The following PTPRD variants were observed in gnomAD, a reference collection of about 807,000 sequenced individuals.
PTPRD encodes receptor-type tyrosine-protein phosphatase delta.
Under a neutral mutation model 214.5 loss-of-function variants are expected in PTPRD, and 34 were observed. The ratio of observed to expected loss-of-function variants is 0.16; its 90% CI spans 0.12 to 0.21. The LOEUF is 0.21. Ranked by LOEUF, PTPRD falls within the 10% of genes least tolerant of loss-of-function variation. The probability of loss-of-function intolerance (pLI) is 1.00; values close to 1 mark genes in which losing one functional copy is unlikely to be tolerated. For synonymous variants in PTPRD, 1,128 were observed against 845.7 expected, an observed-to-expected ratio of 1.33 and a Z score of -5.79; for missense variants, 2,545 against 2,398.7, an observed-to-expected ratio of 1.06 and a Z score of -1.27.
In PTPRD at chr9:9,261,279, T is replaced by C. The variant is rs1337256374; in HGVS notation, c.-202-77916A>G. 2.0e-5 allele frequency among the ~76,000 whole-genome samples: 3 copies of C among 151,872 alleles called. No homozygotes were observed. The East Asian group carries it at 5.9e-4, about 30-fold the overall frequency. ...CCTGATGTTTATAGGCTTCATTTTT[T>C]AGAATGTTTATTTTATTTTATGGGA... is the stretch of plus-strand genomic sequence containing the variant. On this transcript the variant is annotated intron_variant, in intron 9 of 45. Coordinates refer to ENST00000381196, the MANE Select transcript of PTPRD (RefSeq NM_002839.4).
intron 28 of PTPRD, 54 bp downstream of exon 28, chr9:8,485,708 T>C: frequency 6.9e-7 from 1 of 1,450,974 alleles, no homozygotes; most frequent in Non-Finnish European, 9.4e-7. Context: ...AATACTGATT[T>C]CCAAAGACTG....
chr9:8,593,375 G>C (rs2094255859), intron 14 of PTPRD, among the ~76,000 whole-genome samples: 1 of 152,118 alleles, frequency 6.6e-6, no homozygotes, highest in Non-Finnish European at 1.5e-5. Flanking sequence ...TGGAACAAAA[G>C]GTACGTAGAC....
intron 11 of PTPRD, among the ~76,000 whole-genome samples, chr9:8,983,466 T>G (rs1421824562): frequency 6.6e-6 from 1 of 152,052 alleles, no homozygotes. Flanking sequence ...CTTAAGTGAC[T>G]TTTTTGTGTT....
At chr9:10,216,497 T>C (rs542394546) in intron 3 of PTPRD, among the ~76,000 whole-genome samples, 5 of 152,128 alleles carry the variant, frequency 3.3e-5, no homozygotes, top group Admixed American at 3.3e-4. Flanking sequence ...GCTCTAAATT[T>C]ATATTTTGTA....
intron 3 of PTPRD, among the ~76,000 whole-genome samples, chr9:10,150,657 A>AT (rs1191555296): frequency 6.6e-6 from 1 of 151,486 alleles, no homozygotes; most frequent in African/African-American, 2.4e-5. Context: ...TTAAAGTAAA[A>AT]TAAAAAAAAA....
chr9:9,093,995 T>C (rs921973954), intron 10 of PTPRD, among the ~76,000 whole-genome samples: 1 of 152,006 alleles, frequency 6.6e-6, no homozygotes, highest in Non-Finnish European at 1.5e-5. Context: ...TCAATACAGA[T>C]ATTAAAAATG....
chr9:10,444,086 C>T (rs1417129964), intron 2 of PTPRD, among the ~76,000 whole-genome samples: 6 of 151,658 alleles, frequency 4.0e-5, no homozygotes, highest in African/African-American at 1.4e-4. Context: ...GACTATTTAA[C>T]TCAACATGCT....
At chr9:9,946,400 A>C (rs1365872539) in intron 4 of PTPRD, among the ~76,000 whole-genome samples, 1 of 152,164 alleles carries the variant, frequency 6.6e-6, no homozygotes, top group East Asian at 1.9e-4. Context: ...AGTGGCATGT[A>C]AGAGGTTATA....
chr9:10,263,681 C>G (rs1371660782), intron 3 of PTPRD, among the ~76,000 whole-genome samples: 1 of 152,154 alleles, frequency 6.6e-6, no homozygotes, highest in African/African-American at 2.4e-5. Flanking sequence ...ATGCAATAGA[C>G]AAGCAAAATC....
At chr9:10,331,022 C>T (rs1021728446) in intron 3 of PTPRD, among the ~76,000 whole-genome samples, 3 of 151,826 alleles carry the variant, frequency 2.0e-5, no homozygotes, top group Non-Finnish European at 2.9e-5. Flanking sequence ...TCCTCTACTT[C>T]ACAATCATTC....
At chr9:8,884,985 G>T (rs529843027) in intron 11 of PTPRD, among the ~76,000 whole-genome samples, 2 of 152,132 alleles carry the variant, frequency 1.3e-5, no homozygotes, top group South Asian at 2.1e-4. Flanking sequence ...CAGTGAGGGG[G>T]AATACAACGT....
At chr9:8,870,355 C>A (rs555324294) in intron 11 of PTPRD, among the ~76,000 whole-genome samples, 20 of 152,092 alleles carry the variant, frequency 1.3e-4, no homozygotes, top group Middle Eastern at 3.4e-3. Flanking sequence ...TACTCCTAAT[C>A]CACACAGAGA....
chr9:9,998,117 A>AT (rs1383961196), intron 4 of PTPRD, among the ~76,000 whole-genome samples: 179 of 89,212 alleles, frequency 2.0e-3, no homozygotes, highest in African/African-American at 7.3e-3. Flanking sequence ...AAGTATAATA[A>AT]AAAAAAAAAA....
At chr9:9,073,221 T>A (rs981406347) in intron 10 of PTPRD, among the ~76,000 whole-genome samples, 1 of 152,222 alleles carries the variant, frequency 6.6e-6, no homozygotes, top group Non-Finnish European at 1.5e-5. Context: ...GTTCATTTTG[T>A]ACAAGCACTG....
At chr9:9,185,651 A>G (rs2099930911) in intron 9 of PTPRD, among the ~76,000 whole-genome samples, 1 of 152,102 alleles carries the variant, frequency 6.6e-6, no homozygotes, top group African/African-American at 2.4e-5. Context: ...TTTTGATCTG[A>G]AGTAGAAAAT....
chr9:10,229,888 A>G (rs1301654437), intron 3 of PTPRD, among the ~76,000 whole-genome samples: 1 of 152,038 alleles, frequency 6.6e-6, no homozygotes, highest in African/African-American at 2.4e-5. Context: ...AGAAAAAAAG[A>G]AATAAGACAA....
chr9:10,140,345 C>T (rs1175045063), intron 3 of PTPRD, among the ~76,000 whole-genome samples: 1 of 151,462 alleles, frequency 6.6e-6, no homozygotes. Context: ...AATTGATAGA[C>T]CGCTAGCAAG....
chr9:10,037,004 C>G (rs148535044), intron 3 of PTPRD, among the ~76,000 whole-genome samples: 209 of 152,138 alleles, frequency 1.4e-3, no homozygotes, highest in Admixed American at 2.3e-3. Flanking sequence ...CCACCCCAGT[C>G]TCCTTGAAGT....
chr9:8,917,925 C>T (rs754262893), intron 11 of PTPRD, among the ~76,000 whole-genome samples: 1 of 152,144 alleles, frequency 6.6e-6, no homozygotes, highest in South Asian at 2.1e-4. Flanking sequence ...TCTCCCACCA[C>T]ACCTGTGTAA....
Sources: allele counts gnomAD v4.1 joint callset (sites outside exome capture counted in the v4.1 genomes callset), GRCh38; gene constraint gnomAD v4.1.1; transcripts MANE v1.5; gene names NCBI Gene and HGNC (gene_info 2026-07-23, HGNC 2026-07-21).